The following KIAA1217 variants were observed in gnomAD, a reference collection of about 807,000 sequenced individuals.
KIAA1217 encodes sickle tail protein homolog.
KIAA1217 carries 88 observed loss-of-function variants against 163.9 expected under a neutral mutation model. The ratio of observed to expected loss-of-function variants is 0.54; its 90% CI spans 0.45 to 0.64. The LOEUF (loss-of-function observed/expected upper bound fraction) is 0.64, where lower values mean the gene tolerates loss of function less well. Ranked by LOEUF, KIAA1217 falls within the 30% of genes least tolerant of loss-of-function variation. KIAA1217 has a pLI of 0.00. For synonymous variants in KIAA1217, 903 were observed against 923.1 expected, an observed-to-expected ratio of 0.98 and a Z score of 0.39; for missense variants, 2,372 against 2,475.0, an observed-to-expected ratio of 0.96 and a Z score of 0.88.
intron 10 of KIAA1217, 55 bp from the exon 11 acceptor site, chr10:24,520,068 T>C: frequency 6.4e-7 from 1 of 1,556,052 alleles, no homozygotes; most frequent in Non-Finnish European, 8.7e-7. Context: ...GCCCCTCCTC[T>C]TCCTCTGTGA....
intron 2 of KIAA1217, among the ~76,000 whole-genome samples, chr10:24,148,383 T>A (rs1186370084): frequency 6.6e-6 from 1 of 152,130 alleles, no homozygotes; most frequent in African/African-American, 2.4e-5. Flanking sequence ...TTCCATTTAC[T>A]TATTGATATG....
chr10:24,383,644 C>T (rs1317817634), intron 3 of KIAA1217, among the ~76,000 whole-genome samples: 1 of 152,186 alleles, frequency 6.6e-6, no homozygotes, highest in East Asian at 1.9e-4. Flanking sequence ...TTTGGCCTGC[C>T]ATTTTTCACT....
At chr10:23,714,897 A>G (rs1837476827) in intron 1 of KIAA1217, among the ~76,000 whole-genome samples, 1 of 152,160 alleles carries the variant, frequency 6.6e-6, no homozygotes. Context: ...CTTATATACC[A>G]TAGAAAAAGG....
At chr10:23,940,700 C>A (rs2131334389) in intron 1 of KIAA1217, among the ~76,000 whole-genome samples, 1 of 152,152 alleles carries the variant, frequency 6.6e-6, no homozygotes, top group South Asian at 2.1e-4. Flanking sequence ...CAAGACAGAA[C>A]AAGTCTCAGC....
At chr10:24,050,843 T>G (rs913648371) in intron 2 of KIAA1217, among the ~76,000 whole-genome samples, 1 of 152,182 alleles carries the variant, frequency 6.6e-6, no homozygotes, top group Non-Finnish European at 1.5e-5. Flanking sequence ...TTTCCTTCTG[T>G]GTATCCTTAG....
At chr10:24,406,388 CACAA>C (rs1037154977) in intron 3 of KIAA1217, among the ~76,000 whole-genome samples, 3 of 104,048 alleles carry the variant, frequency 2.9e-5, no homozygotes, top group African/African-American at 9.4e-5. Context: ...TACATTCACA[CACAA>C]ACACACACAC....
At chr10:24,276,047 G>A (rs2077250962) in intron 2 of KIAA1217, among the ~76,000 whole-genome samples, 1 of 152,176 alleles carries the variant, frequency 6.6e-6, no homozygotes, top group Non-Finnish European at 1.5e-5. Context: ...GAATGTAGAA[G>A]AGAAGTTGAA....
intron 1 of KIAA1217, among the ~76,000 whole-genome samples, chr10:23,789,999 A>G (rs528041283): frequency 7.8e-6 from 1 of 127,770 alleles, no homozygotes; most frequent in East Asian, 2.1e-4. Flanking sequence ...ACATATACAC[A>G]TATGCACATA....
chr10:24,093,325 C>A (rs1033143154), intron 2 of KIAA1217, among the ~76,000 whole-genome samples: 1 of 151,708 alleles, frequency 6.6e-6, no homozygotes, highest in African/African-American at 2.4e-5. Flanking sequence ...CACCTGCCAC[C>A]ATGCCCAGCT....
At chr10:24,412,390 G>C (rs779842647) in intron 3 of KIAA1217, among the ~76,000 whole-genome samples, 3 of 152,110 alleles carry the variant, frequency 2.0e-5, no homozygotes, top group Non-Finnish European at 4.4e-5. Context: ...TGACTAGAAA[G>C]GGATTATCTA....
In KIAA1217 at chr10:24,157,843, C is replaced by T. The variant is rs1438754356; in HGVS notation, c.-170-61783C>T. On this transcript the variant is annotated intron_variant, in intron 2 of 18. Coordinates refer to the KIAA1217 transcript ENST00000376462. ...TAGAAGTTCCTGATGCAATGGCAGCCTTTGCCATGGAACTCCAGGTGCCTG... is the reference window on the plus strand; with the variant it reads ...TAGAAGTTCCTGATGCAATGGCAGCTTTTGCCATGGAACTCCAGGTGCCTG... 3 of 522,560 alleles carry T rather than the reference C, an allele frequency of 5.7e-6. No homozygotes were observed. The African/African-American group carries it at 5.8e-5, about 10-fold the overall frequency. 32.4% of individuals were successfully genotyped at this position (522,560 alleles called of 1,614,324 possible). A position where few individuals can be genotyped will look rare whatever the true frequency, so the allele number is the denominator to read the frequency against.
At chr10:24,343,094 T>A (rs2047303930) in intron 2 of KIAA1217, among the ~76,000 whole-genome samples, 1 of 152,224 alleles carries the variant, frequency 6.6e-6, no homozygotes, top group Non-Finnish European at 1.5e-5. Flanking sequence ...TCCATCTTTA[T>A]CCAATTTCTT....
chr10:24,022,041 T>C (rs1283373777), intron 2 of KIAA1217, among the ~76,000 whole-genome samples: 1 of 151,434 alleles, frequency 6.6e-6, no homozygotes, highest in Non-Finnish European at 1.5e-5. Context: ...TCTTAAAAGA[T>C]TAAAATTATA....
intron 1 of KIAA1217, among the ~76,000 whole-genome samples, chr10:23,885,435 G>A (rs921882019): frequency 6.6e-6 from 1 of 151,982 alleles, no homozygotes; most frequent in Admixed American, 6.5e-5. Flanking sequence ...CCCTGAAGTT[G>A]GAATCTCTAA....
chr10:23,919,606 T>TAAA (rs66850484), intron 1 of KIAA1217, among the ~76,000 whole-genome samples: 7 of 76,712 alleles, frequency 9.1e-5, no homozygotes, highest in Non-Finnish European at 1.5e-4. Context: ...ACTCCTTCTC[T>TAAA]AAAAAAAAAA....
intron 1 of KIAA1217, among the ~76,000 whole-genome samples, chr10:23,934,605 A>AC (rs1843431392): frequency 1.3e-5 from 1 of 74,358 alleles, no homozygotes; most frequent in Admixed American, 1.5e-4. Context: ...ATATATATAT[A>AC]TGTATATATA....
In KIAA1217 at chr10:24,473,078, A is replaced by G. The variant is rs1390640550; in HGVS notation, c.847-150A>G. ...ATCCTCAACTTCACCCCATCTGCAAAGTCTCTTTTGCCATGTAAGGAAACA... is the reference window on the plus strand; with the variant it reads ...ATCCTCAACTTCACCCCATCTGCAAGGTCTCTTTTGCCATGTAAGGAAACA... On this transcript the variant is annotated intron_variant, in intron 5 of 20. Transcript: ENST00000376454. 37 of 551,290 alleles carry G rather than the reference A, an allele frequency of 6.7e-5. No individual in the cohort carries two copies. In the East Asian group the frequency reaches 1.1e-3, roughly 16 times the overall value. The allele number at this position is 551,290 out of a possible 1,614,324, so 34.1% of individuals were successfully genotyped here.
chr10:24,446,008 G>C lies in KIAA1217; in HGVS notation c.846+7529G>C, dbSNP rs1361868119. Among the ~76,000 whole-genome samples the C allele has an allele frequency of 1.6e-4, 25 of 152,304 alleles. No homozygotes were observed. The East Asian group carries it at 4.8e-3, about 29-fold the overall frequency. On this transcript the variant is annotated intron_variant, in intron 5 of 20. Transcript: ENST00000376454. Reference sequence around the variant, plus strand: ...TTACAGTCCCACCAATAGTGTAAAAGTGTTCCTATTTCTCCACATCCTCTC... The same window carrying C: ...TTACAGTCCCACCAATAGTGTAAAACTGTTCCTATTTCTCCACATCCTCTC...
chr10:23,825,868 A>G (rs12263644), intron 1 of KIAA1217, among the ~76,000 whole-genome samples: 45,336 of 152,004 alleles, frequency 0.3, 7,723 homozygotes, highest in African/African-American at 0.45. Flanking sequence ...TCTTTCTGAC[A>G]CTCGGTGTTT....
Sources: gnomAD v4.1 joint callset for allele counts (sites outside exome capture counted in the v4.1 genomes callset) on GRCh38, gnomAD v4.1.1 for gene constraint, MANE v1.5 for transcripts, NCBI Gene and HGNC (gene_info 2026-07-23, HGNC 2026-07-21) for gene names.